The following SUSD1 variants were observed in gnomAD, a reference collection of about 807,000 sequenced individuals.
SUSD1 encodes the protein sushi domain containing 1, also known as sushi domain-containing protein 1.
SUSD1 carries 65 observed loss-of-function variants against 86.9 expected under a neutral mutation model. The observed-to-expected ratio is 0.75, with a 90% confidence interval of 0.61 to 0.92. The LOEUF (loss-of-function observed/expected upper bound fraction) is 0.92, where lower values mean the gene tolerates loss of function less well. SUSD1 is among the 40% of genes least tolerant of loss of function. The pLI, the probability that SUSD1 is intolerant of heterozygous loss-of-function variation, is 0.00. For synonymous variants in SUSD1, 346 were observed against 350.0 expected (o/e 0.99, Z 0.13); for missense variants, 850 against 929.7 (o/e 0.91, Z 1.11).
chr9:112,165,853 A>G (rs1040187507), intron 1 of SUSD1, among the ~76,000 whole-genome samples: 3 of 144,370 alleles, frequency 2.1e-5, no homozygotes, highest in African/African-American at 5.3e-5. Flanking sequence ...AAAGAGAAAG[A>G]GAAGGAAGGA....
chr9:112,162,060 T>A (rs553157376), intron 1 of SUSD1, among the ~76,000 whole-genome samples: 1 of 152,198 alleles, frequency 6.6e-6, no homozygotes, highest in Non-Finnish European at 1.5e-5. Flanking sequence ...AAAAATCAAC[T>A]TTATTGAGAT....
chr9:112,053,596 T>C (rs1427955612), intron 14 of SUSD1, among the ~76,000 whole-genome samples: 3 of 151,360 alleles, frequency 2.0e-5, no homozygotes, highest in Non-Finnish European at 1.5e-5. Context: ...TTTGCTTTGA[T>C]GCTAAGTGCA....
intron 14 of SUSD1, among the ~76,000 whole-genome samples, chr9:112,055,285 G>T (rs1828399143): frequency 6.6e-6 from 1 of 152,138 alleles, no homozygotes; most frequent in African/African-American, 2.4e-5. Context: ...AATTAGTCGG[G>T]TGTGATGGCA....
intron 5 of SUSD1, among the ~76,000 whole-genome samples, chr9:112,128,121 C>T (rs1168080545): frequency 6.6e-6 from 1 of 152,124 alleles, no homozygotes; most frequent in Non-Finnish European, 1.5e-5. Context: ...TTGAGACAGT[C>T]TCACTCTGTT....
chr9:112,069,988 A>G lies in SUSD1; in HGVS notation c.1754-6955T>C, dbSNP rs543531385. On this transcript the variant is annotated intron_variant, in intron 12 of 16. Coordinates refer to ENST00000374270, the MANE Select transcript of SUSD1 (RefSeq NM_022486.5). ...GTCTCCCTGCCCTATATTTTATTTT[A>G]TTTGTTTTTGTTTTTGTTTTTGCTT... Among the ~76,000 whole-genome samples the G allele has an allele frequency of 3.3e-5, 5 of 151,660 alleles. No homozygotes were observed. In the South Asian group the frequency reaches 1.0e-3, roughly 32 times the overall value.
chr9:112,173,882 T>C (rs941995336), intron 1 of SUSD1: 6 of 289,402 alleles, frequency 2.1e-5, no homozygotes, highest in Non-Finnish European at 4.1e-5. Context: ...CTTTAAAAGA[T>C]TCGTATCTTT....
chr9:112,095,583 C>T (rs958639735), intron 10 of SUSD1, among the ~76,000 whole-genome samples: 4 of 152,166 alleles, frequency 2.6e-5, no homozygotes, highest in African/African-American at 9.7e-5. Flanking sequence ...AACCCAACAG[C>T]AGCTCACAGA....
In SUSD1 at chr9:112,111,689, CG is replaced by C. The variant is rs756376119; in HGVS notation, c.1135del (p.Arg379AlafsTer17). The C allele has an allele frequency of 1.2e-6, 2 of 1,614,026 alleles. No individual in the cohort carries two copies. Among genetic ancestry groups the C allele is most frequent in the Non-Finnish European group, 1.7e-6 (2 of 1,179,970 alleles). ...GAAACCGATGACGGCTGGCATCGAG[CG>C]CCTGGGAGGTGCTGTGGAGATGTTC... ...TVNISTAPPR[R>X]SMPAVIGFQT... On this transcript the variant is annotated frameshift_variant, in exon 8 of 17. Coordinates refer to ENST00000374270, the MANE Select transcript of SUSD1 (RefSeq NM_022486.5). LOFTEE classifies it high-confidence loss of function.
At chr9:112,102,716 C>T (rs1026725207) in intron 8 of SUSD1, among the ~76,000 whole-genome samples, 1 of 152,164 alleles carries the variant, frequency 6.6e-6, no homozygotes, top group Non-Finnish European at 1.5e-5. Context: ...AAATAAAAAT[C>T]AAAGGCTATA....
chr9:112,142,585 TCACA>T, intron 4 of SUSD1, 86 bp from the exon 5 acceptor site: 6 of 1,244,872 alleles, frequency 4.8e-6, no homozygotes, highest in East Asian at 2.5e-5. Context: ...ACCCTATTCC[TCACA>T]CACACACACC....
At chr9:112,106,313 T>C (rs190557459) in intron 8 of SUSD1, among the ~76,000 whole-genome samples, 9 of 152,284 alleles carry the variant, frequency 5.9e-5, no homozygotes, top group Non-Finnish European at 1.2e-4. Flanking sequence ...TTCTAACTCT[T>C]CTTTCAAAGC....
At chr9:112,054,586 CAA>C (rs879376406) in intron 14 of SUSD1, among the ~76,000 whole-genome samples, 3 of 126,798 alleles carry the variant, frequency 2.4e-5, no homozygotes, top group Admixed American at 1.6e-4. Context: ...AACACTGTCT[CAA>C]AAAAAAAAAA....
chr9:112,090,586 T>A (rs1230555915), intron 10 of SUSD1, among the ~76,000 whole-genome samples: 4 of 152,050 alleles, frequency 2.6e-5, no homozygotes, highest in African/African-American at 9.7e-5. Context: ...TAGACCAACA[T>A]TACTTATAAA....
intron 8 of SUSD1, among the ~76,000 whole-genome samples, chr9:112,105,845 A>G (rs1013868299): frequency 6.6e-6 from 1 of 152,164 alleles, no homozygotes; most frequent in Non-Finnish European, 1.5e-5. Context: ...CGAATTCCCA[A>G]TGCCTAAAAA....
chr9:112,052,324 CAG>C (rs2118902203), intron 15 of SUSD1, 73 bp downstream of exon 15: 1 of 1,611,914 alleles, frequency 6.2e-7, no homozygotes, highest in East Asian at 2.2e-5. Context: ...ATTATATAAA[CAG>C]ATCTCATCAA....
At chr9:112,101,164 C>A (rs1276043262) in intron 9 of SUSD1, among the ~76,000 whole-genome samples, 2 of 151,798 alleles carry the variant, frequency 1.3e-5, no homozygotes, top group African/African-American at 4.8e-5. Flanking sequence ...GAGTTTGAGA[C>A]CAGCCTAGCC....
intron 5 of SUSD1, among the ~76,000 whole-genome samples, chr9:112,131,656 C>A (rs867544455): frequency 1.3e-4 from 20 of 152,142 alleles, no homozygotes; most frequent in Admixed American, 4.6e-4. Context: ...ACATAAAAAA[C>A]CCCCAAAACT....
At chr9:112,169,457 A>G (rs1833949593) in intron 1 of SUSD1, 2 of 152,244 alleles carry the variant, frequency 1.3e-5, no homozygotes, top group African/African-American at 4.8e-5. Context: ...CTCATAAAAA[A>G]TGGCTCACAC....
At chr9:112,106,431 C>T (rs1211498347) in intron 8 of SUSD1, among the ~76,000 whole-genome samples, 2 of 152,118 alleles carry the variant, frequency 1.3e-5, no homozygotes, top group Non-Finnish European at 2.9e-5. Flanking sequence ...GTGAAGGCAA[C>T]AAAAGACATT....
Sources: gnomAD v4.1 joint callset for allele counts (sites outside exome capture counted in the v4.1 genomes callset) on GRCh38, gnomAD v4.1.1 for gene constraint, MANE v1.5 for transcripts, NCBI Gene and HGNC (gene_info 2026-07-23, HGNC 2026-07-21) for gene names.